Variants in C2orf66 observed in about 807,000 individuals in gnomAD.
C2orf66 encodes chromosome 2 open reading frame 66.
A neutral mutation model predicts 7.0 loss-of-function variants in C2orf66; 6 were observed. The observed-to-expected ratio is 0.86, with a 90% CI of 0.47 to 1.69. The LOEUF (loss-of-function observed/expected upper bound fraction) is 1.69. C2orf66 is among the 40% of genes most tolerant of loss of function. C2orf66 has a pLI of 0.01. For synonymous variants in C2orf66, 38 were observed against 43.8 expected (o/e 0.87, Z 0.52); for missense variants, 107 against 112.0 (o/e 0.96, Z 0.20).
At chr2:196,818,287 C>T in the C2orf66 span, among the ~76,000 whole-genome samples, 1 of 152,118 alleles carries the variant, frequency 6.6e-6, no homozygotes, top group Non-Finnish European at 1.5e-5. Context: ...AAGCCTGAAC[C>T]CATAGAGAAA....
chr2:196,829,395 T>A, the C2orf66 span, among the ~76,000 whole-genome samples: 27 of 151,952 alleles, frequency 1.8e-4, no homozygotes, highest in Admixed American at 1.5e-3. Flanking sequence ...TTGAGACCAG[T>A]CTGGACAACA....
At chr2:196,807,329 A>G in intron 2 of C2orf66, 95 bp downstream of exon 2, 1 of 733,222 alleles carries the variant, frequency 1.4e-6, no homozygotes, top group South Asian at 2.0e-5. Context: ...CTATGAGGAA[A>G]TAAAATTATG....
At chr2:196,823,018 T>TAA in the C2orf66 span, among the ~76,000 whole-genome samples, 33,104 of 137,598 alleles carry the variant, frequency 0.24, 4,117 homozygotes, top group African/African-American at 0.33. Flanking sequence ...AACTTCTTGT[T>TAA]AAAAAAAAAA....
In C2orf66 at chr2:196,804,718, T is replaced by C. The variant is rs987550883; in HGVS notation, c.*710A>G. Among the ~76,000 whole-genome samples the C allele has an allele frequency of 2.0e-5, 3 of 152,064 alleles. No individual in the cohort carries two copies. The highest frequency in any genetic ancestry group is 7.2e-5 in the African/African-American group (3 of 41,388). ...TTTCTACTTTTCCTTCCTGAGGAGG[T>C]TGTGTATGAGAGCAAGGGCTCGGGC... is the stretch of plus-strand genomic sequence containing the variant. On this transcript the variant is annotated 3_prime_UTR_variant, in exon 3 of 3. Coordinates refer to ENST00000342506, the MANE Select transcript of C2orf66 (RefSeq NM_213608.3).
chr2:196,831,797 G>A, the C2orf66 span, among the ~76,000 whole-genome samples: 8 of 152,050 alleles, frequency 5.3e-5, no homozygotes, highest in African/African-American at 1.7e-4. Flanking sequence ...CCCAGACATC[G>A]CCTGAGTTTC....
At chr2:196,831,102 G>A in the C2orf66 span, among the ~76,000 whole-genome samples, 12 of 152,126 alleles carry the variant, frequency 7.9e-5, no homozygotes, top group Non-Finnish European at 1.5e-4. Flanking sequence ...TCTGGTTCAA[G>A]GGTTGTTCCT....
the C2orf66 span, among the ~76,000 whole-genome samples, chr2:196,818,742 T>C: frequency 6.6e-6 from 1 of 152,204 alleles, no homozygotes; most frequent in African/African-American, 2.4e-5. Context: ...CAGGCCCTAC[T>C]GATATCTCCA....
intron 2 of C2orf66, 31 bp from the exon 3 acceptor site, chr2:196,805,439 TA>T (rs1699809950): frequency 6.6e-6 from 1 of 152,158 alleles, no homozygotes; most frequent in African/African-American, 2.4e-5. Flanking sequence ...TATAATTAAA[TA>T]GAAATTGAAG....
chr2:196,816,208 C>T, the C2orf66 span, among the ~76,000 whole-genome samples: 1 of 152,128 alleles, frequency 6.6e-6, no homozygotes, highest in Admixed American at 6.5e-5. Context: ...TCTGGGGGCA[C>T]AAAAATCTCC....
At chr2:196,824,851 T>C in the C2orf66 span, among the ~76,000 whole-genome samples, 1 of 152,160 alleles carries the variant, frequency 6.6e-6, no homozygotes, top group Non-Finnish European at 1.5e-5. Flanking sequence ...GGAGAATGTA[T>C]TTTCAAACCA....
At chr2:196,826,467 A>G in the C2orf66 span, among the ~76,000 whole-genome samples, 1 of 152,210 alleles carries the variant, frequency 6.6e-6, no homozygotes, top group African/African-American at 2.4e-5. Flanking sequence ...CCTTTATGGT[A>G]TTCTATAGAT....
At chr2:196,821,275 T>C in the C2orf66 span, among the ~76,000 whole-genome samples, 1 of 152,228 alleles carries the variant, frequency 6.6e-6, no homozygotes, top group African/African-American at 2.4e-5. Flanking sequence ...CTTTCTGGCC[T>C]TCAAAACTGT....
the C2orf66 span, among the ~76,000 whole-genome samples, chr2:196,822,795 TAAC>T: frequency 6.6e-6 from 1 of 152,218 alleles, no homozygotes; most frequent in South Asian, 2.1e-4. Context: ...TGCTCTGTTT[TAAC>T]AACAACAAAA....
the C2orf66 span, among the ~76,000 whole-genome samples, chr2:196,820,411 G>GT: frequency 6.6e-6 from 1 of 152,098 alleles, no homozygotes; most frequent in African/African-American, 2.4e-5. Flanking sequence ...CTCTCCCTTT[G>GT]TTCCTTTTAA....
chr2:196,821,927 G>GTTTT, the C2orf66 span, among the ~76,000 whole-genome samples: 5 of 57,100 alleles, frequency 8.8e-5, no homozygotes, highest in African/African-American at 2.3e-4. Flanking sequence ...GAACCAGTGA[G>GTTTT]CTTTTTTTTT....
Position 196,804,556 on chromosome 2 carries a change from A to G in C2orf66, c.*872T>C, listed in dbSNP as rs1413644707. On this transcript the variant is annotated 3_prime_UTR_variant, in exon 3 of 3. Transcript: ENST00000342506. ...GTGCAACATTCCTTTTGCAGGAATC[A>G]CAGAGAAGATGATGCAGCTATCTAT... is the stretch of plus-strand genomic sequence containing the variant. Among the ~76,000 whole-genome samples the G allele has an allele frequency of 6.6e-6, 1 of 152,254 alleles. No individual in the cohort carries two copies. The highest frequency in any genetic ancestry group is 1.5e-5 in the Non-Finnish European group (1 of 68,040).
chr2:196,812,550 C>T (rs760412661), upstream of C2orf66, among the ~76,000 whole-genome samples: 5 of 152,144 alleles, frequency 3.3e-5, no homozygotes, highest in Non-Finnish European at 5.9e-5. Context: ...TTTCACCACT[C>T]CTATTCAACA....
upstream of C2orf66, among the ~76,000 whole-genome samples, chr2:196,813,530 G>C (rs1375096286): frequency 6.6e-6 from 1 of 152,008 alleles, no homozygotes; most frequent in East Asian, 1.9e-4. Flanking sequence ...AAAGACTTCA[G>C]GACTAAAACA....
At chr2:196,818,501 A>G in the C2orf66 span, among the ~76,000 whole-genome samples, 2 of 152,224 alleles carry the variant, frequency 1.3e-5, no homozygotes, top group African/African-American at 2.4e-5. Flanking sequence ...AATTTGGGCT[A>G]GTAAGAGAGA....
Sources: allele counts gnomAD v4.1 joint callset (sites outside exome capture counted in the v4.1 genomes callset), GRCh38; gene constraint gnomAD v4.1.1; transcripts MANE v1.5; gene names NCBI Gene and HGNC (gene_info 2026-07-23, HGNC 2026-07-21).